Variants in TNKS2 observed in about 807,000 individuals in gnomAD.
TNKS2 encodes tankyrase 2.
TNKS2 carries 72 observed loss-of-function variants against 137.6 expected under a neutral mutation model. The ratio of observed to expected loss-of-function variants is 0.52; its 90% CI spans 0.43 to 0.64. The LOEUF (loss-of-function observed/expected upper bound fraction) is 0.64. Among genes scored for constraint, TNKS2 ranks in the 30% least tolerant of loss-of-function variants. TNKS2 has a pLI of 0.00. For missense variants in TNKS2, 1,049 were observed against 1,410.2 expected (o/e 0.74, Z 4.10); for synonymous variants, 516 against 512.1 (o/e 1.01, Z -0.10).
Position 91,859,607 on chromosome 10 carries a change from G to A in TNKS2, c.3240G>A (p.Gly1080=). ...TATATGGAATTGGAGGAGGTACTGG[G>A]TGTCCAGTTCACAAAGACAGATCTT... The part of the protein sequence containing the change: ...QYVYGIGGGT[G]CPVHKDRSCY... Residue 1080 remains glycine (G), a synonymous_variant, in exon 25 of 27, where the codon GGG becomes GGA. Transcript: ENST00000371627. The A allele has an allele frequency of 6.2e-7, 1 of 1,613,154 alleles. No individual in the cohort carries two copies. Among genetic ancestry groups the A allele is most frequent in the Non-Finnish European group, 8.5e-7 (1 of 1,179,722 alleles).
chr10:91,826,927 T>C (rs1845088229), intron 7 of TNKS2, 90 bp from the exon 8 acceptor site: 1 of 1,230,270 alleles, frequency 8.1e-7, no homozygotes, highest in Admixed American at 3.1e-5. Context: ...CATAACCTGT[T>C]TTAGCCTGTA....
At chr10:91,830,410 G>C (rs1365123614) in intron 9 of TNKS2, among the ~76,000 whole-genome samples, 2 of 152,068 alleles carry the variant, frequency 1.3e-5, no homozygotes, top group Non-Finnish European at 1.5e-5. Context: ...TAGAGAGGGG[G>C]TTTCACCATG....
chr10:91,841,447 A>G lies in TNKS2; in HGVS notation c.1838A>G (p.Gln613Arg). ...TATGAAATTTGCAAACTTCTGCTCC[A>G]GGTATATTTAAATACTTAACTGTAA... ...GKYEICKLLL[Q>R]HGADPTKKNR... Residue 613 changes from glutamine to arginine, a missense_variant and splice_region_variant, in exon 15 of 27, where the codon CAG (glutamine) becomes CGG (arginine). This residue lies in a region of TNKS2 where 328 missense variants were observed against 436.0 expected (regional missense o/e 0.75). Coordinates refer to ENST00000371627, the MANE Select transcript of TNKS2 (RefSeq NM_025235.4). 1 of 1,597,828 alleles carries G rather than the reference A, an allele frequency of 6.3e-7. No individual in the cohort carries two copies. The highest frequency in any genetic ancestry group is 8.5e-7 in the Non-Finnish European group (1 of 1,173,540).
At position 91,798,754 on chromosome 10, in the gene TNKS2, G is replaced by C; in HGVS notation, c.64G>C (p.Glu22Gln). 8.0e-7 allele frequency: 1 copy of C among 1,252,514 alleles called. No homozygotes were observed. Among genetic ancestry groups the C allele is most frequent in the Non-Finnish European group, 1.0e-6 (1 of 992,746 alleles). The allele number at this position is 1,252,514 out of a possible 1,614,324, so 77.6% of individuals were successfully genotyped here. Residue 22 changes from glutamate (E) to glutamine (Q), a missense_variant, in exon 1 of 27, where the codon GAG (glutamate) becomes CAG (glutamine). Glu to Gln is a conservative substitution (Grantham distance 29, BLOSUM62 2). Coordinates refer to ENST00000371627, the MANE Select transcript of TNKS2 (RefSeq NM_025235.4). ...ACASAAAEAV[E>Q]PAARELFEAC... Reference sequence around the variant, plus strand: ...CGCGAGCGCCGCGGCCGAGGCCGTGGAGCCGGCCGCCCGAGAGCTGTTCGA... The same window carrying C: ...CGCGAGCGCCGCGGCCGAGGCCGTGCAGCCGGCCGCCCGAGAGCTGTTCGA...
chr10:91,815,195 G>A (rs1288922271), intron 2 of TNKS2, among the ~76,000 whole-genome samples: 2 of 152,166 alleles, frequency 1.3e-5, no homozygotes, highest in East Asian at 1.9e-4. Context: ...AGCCAGTTCA[G>A]TGCACTAGAG....
rs755746479 is a variant in TNKS2, at chr10:91,849,614, T to G, written c.2694+20T>G. The G allele has an allele frequency of 3.2e-6, 5 of 1,565,972 alleles. No individual in the cohort carries two copies. The highest frequency in any genetic ancestry group is 3.9e-5 in the Admixed American group (2 of 51,920). On this transcript the variant is annotated intron_variant, in intron 20 of 26. Transcript: ENST00000371627. ...GAACAGGTGAGTAGATAAATCATAT[T>G]GTTTGGATTAGTGTTTTATGGAAAC...
Position 91,828,345 on chromosome 10 carries a change from A to G in TNKS2, c.1043A>G (p.Lys348Arg), listed in dbSNP as rs759162358. The G allele has an allele frequency of 6.2e-7, 1 of 1,609,796 alleles. No homozygotes were observed. The highest frequency in any genetic ancestry group is 8.5e-7 in the Non-Finnish European group (1 of 1,178,418). The change falls in exon 9 of 27, where the codon AAA becomes AGA. Residue 348 changes from lysine (K) to arginine (R), a missense_variant. This residue lies in a region of TNKS2 where 374 missense variants were observed against 460.8 expected (regional missense o/e 0.81). Transcript: ENST00000371627. ...AAREADVTRI[K>R]KHLSLEMVNF... ...CGAGAAGCTGATGTTACTCGAATCA[A>G]AAAACATCTCTCTCTGGAAATGGTG...
At chr10:91,829,797 A>G (rs1407185103) in intron 9 of TNKS2, among the ~76,000 whole-genome samples, 1 of 152,236 alleles carries the variant, frequency 6.6e-6, no homozygotes, top group Admixed American at 6.5e-5. Context: ...GGTTAAAATC[A>G]AAGAACAGAT....
chr10:91,857,372 G>C (rs1842737817), intron 23 of TNKS2, 53 bp from the exon 24 acceptor site: 1 of 1,308,464 alleles, frequency 7.6e-7, no homozygotes, highest in African/African-American at 1.5e-5. Flanking sequence ...TTTAGATGAA[G>C]AAGTCAGTAA....
At chr10:91,840,508 A>C in intron 13 of TNKS2, 53 bp from the exon 14 acceptor site, 1 of 1,520,440 alleles carries the variant, frequency 6.6e-7, no homozygotes, top group Non-Finnish European at 8.9e-7. Context: ...ACTTGAAACA[A>C]GAAATAACAA....
chr10:91,854,789 G>A (rs1377109637), intron 21 of TNKS2, among the ~76,000 whole-genome samples: 1 of 151,726 alleles, frequency 6.6e-6, no homozygotes, highest in Admixed American at 6.6e-5. Context: ...TGTAATCTCA[G>A]GTACCCGGGA....
At chr10:91,858,549 T>C (rs539463561) in intron 24 of TNKS2, among the ~76,000 whole-genome samples, 1 of 152,292 alleles carries the variant, frequency 6.6e-6, no homozygotes, top group East Asian at 1.9e-4. Context: ...GTTTTTTGAC[T>C]TTTTCCATCC....
intron 24 of TNKS2, among the ~76,000 whole-genome samples, chr10:91,858,000 T>C (rs950874170): frequency 9.9e-5 from 15 of 152,238 alleles, no homozygotes; most frequent in African/African-American, 3.6e-4. Flanking sequence ...AACCATAGAA[T>C]TGAATTGAAA....
chr10:91,826,147 C>G (rs1317090264), intron 7 of TNKS2, among the ~76,000 whole-genome samples: 3 of 152,132 alleles, frequency 2.0e-5, no homozygotes, highest in African/African-American at 7.2e-5. Context: ...AATTCACTTA[C>G]GTTTCATATA....
At chr10:91,853,846 G>C (rs7089928) in intron 21 of TNKS2, among the ~76,000 whole-genome samples, 10,991 of 152,154 alleles carry the variant, frequency 0.072, 1,311 homozygotes, top group African/African-American at 0.25. Context: ...CATCTCCAGA[G>C]ACAAACTTCC....
chr10:91,857,362 T>C, intron 23 of TNKS2, 63 bp from the exon 24 acceptor site: 1 of 1,166,882 alleles, frequency 8.6e-7, no homozygotes, highest in Non-Finnish European at 1.2e-6. Flanking sequence ...CCATGTTTGG[T>C]TTAGATGAAG....
At chr10:91,846,561 C>T (rs1310054325) in intron 18 of TNKS2, among the ~76,000 whole-genome samples, 3 of 152,178 alleles carry the variant, frequency 2.0e-5, no homozygotes, top group Non-Finnish European at 4.4e-5. Context: ...GCCTCTCTTG[C>T]CTCTACCACT....
intron 7 of TNKS2, among the ~76,000 whole-genome samples, chr10:91,824,988 A>G (rs1845019328): frequency 6.6e-6 from 1 of 152,232 alleles, no homozygotes; most frequent in African/African-American, 2.4e-5. Flanking sequence ...ATAGTAGAAT[A>G]GTATTGCAAG....
intron 21 of TNKS2, among the ~76,000 whole-genome samples, chr10:91,854,142 C>T (rs976882654): frequency 6.6e-6 from 1 of 152,138 alleles, no homozygotes; most frequent in African/African-American, 2.4e-5. Context: ...CTGTGGATTT[C>T]TCATTCTAGG....
Sources: allele counts gnomAD v4.1 joint callset (sites outside exome capture counted in the v4.1 genomes callset), GRCh38; gene constraint gnomAD v4.1.1; regional missense constraint gnomAD v4.1.1; transcripts MANE v1.5; gene names NCBI Gene and HGNC (gene_info 2026-07-23, HGNC 2026-07-21).